SCFD1: variants seen among roughly 807,000 people sequenced by gnomAD.
SCFD1 encodes the protein sec1 family domain containing 1, also known as sec1 family domain-containing protein 1.
Under a neutral mutation model 103.2 loss-of-function variants are expected in SCFD1, and 37 were observed. The ratio of observed to expected loss-of-function variants is 0.36; its 90% CI spans 0.28 to 0.47. The LOEUF is 0.47. SCFD1 is among the 20% of genes least tolerant of loss of function. The pLI, the probability that SCFD1 is intolerant of heterozygous loss-of-function variation, is 1.00. For synonymous variants in SCFD1, 264 were observed against 245.0 expected (o/e 1.08, Z -0.73); for missense variants, 639 against 761.2 (o/e 0.84, Z 1.89).
intron 17 of SCFD1, among the ~76,000 whole-genome samples, chr14:30,705,317 A>ATTCC (rs1891395205): frequency 6.6e-6 from 1 of 152,234 alleles, no homozygotes; most frequent in African/African-American, 2.4e-5. Context: ...TGTACCTGGA[A>ATTCC]ACAAGGGAGC....
intron 23 of SCFD1, among the ~76,000 whole-genome samples, chr14:30,726,779 A>G (rs751981581): frequency 2.0e-5 from 3 of 152,104 alleles, no homozygotes; most frequent in Non-Finnish European, 4.4e-5. Flanking sequence ...CTCCTGAAAT[A>G]ACATTTCTTG....
At chr14:30,626,075 A>G (rs965561062) in intron 1 of SCFD1, among the ~76,000 whole-genome samples, 14 of 152,164 alleles carry the variant, frequency 9.2e-5, no homozygotes, top group East Asian at 3.9e-4. Context: ...GCAAATGCAC[A>G]GTGGGAGAGT....
rs1413870033 is a variant in SCFD1 at position 30,710,298 on chromosome 14, A to G, written c.1629+2233A>G. ...TGATCAGTGGTCACCCCATCTGTAT[A>G]TTTTTGCCACCACTACCAGAAGAGC... On this transcript the variant is annotated intron_variant, in intron 19 of 24. Transcript: ENST00000458591. Among the ~76,000 whole-genome samples, 3 of 135,496 alleles carry G rather than the reference A, an allele frequency of 2.2e-5. No homozygotes were observed. In the East Asian group the frequency reaches 6.5e-4, roughly 29 times the overall value. The allele number at this position is 135,496 out of a possible 152,430, so 88.9% of individuals were successfully genotyped here.
At chr14:30,653,719 G>A (rs1455271687) in intron 10 of SCFD1, 131 bp downstream of exon 10, 1 of 586,932 alleles carries the variant, frequency 1.7e-6, no homozygotes, top group Non-Finnish European at 2.9e-6. Flanking sequence ...AACAAAACAA[G>A]TGATGGGATT....
intron 9 of SCFD1, among the ~76,000 whole-genome samples, chr14:30,652,892 T>G (rs1886537295): frequency 6.6e-6 from 1 of 151,858 alleles, no homozygotes; most frequent in African/African-American, 2.4e-5. Flanking sequence ...ACCTGGAGTC[T>G]CAGCTAATTG....
At position 30,719,282 on chromosome 14, in the gene SCFD1, G is replaced by T. The variant is rs771874052; in HGVS notation, c.1684-43G>T. ...CTCTAAGCCAAACTGACCTTCTGAA[G>T]AGAAATTCCACAGTCATGGTAAAGT... On this transcript the variant is annotated intron_variant, in intron 20 of 24. Transcript: ENST00000458591. 2.3e-6 allele frequency: 3 copies of T among 1,289,944 alleles called. No individual in the cohort carries two copies. In the South Asian group the frequency reaches 3.8e-5, roughly 16 times the overall value. 79.9% of individuals were successfully genotyped at this position (1,289,944 alleles called of 1,614,324 possible). A position where few individuals can be genotyped will look rare whatever the true frequency, so the allele number is the denominator to read the frequency against.
intron 17 of SCFD1, among the ~76,000 whole-genome samples, chr14:30,704,468 GTTAT>G (rs1891331687): frequency 6.6e-6 from 1 of 152,112 alleles, no homozygotes; most frequent in South Asian, 2.1e-4. Context: ...TAAATATACT[GTTAT>G]TTATTTAACC....
intron 10 of SCFD1, among the ~76,000 whole-genome samples, chr14:30,669,172 G>C (rs12894695): frequency 6.6e-6 from 1 of 152,028 alleles, no homozygotes; most frequent in Non-Finnish European, 1.5e-5. Flanking sequence ...TAAGGACCTA[G>C]AGTCAGTATT....
At chr14:30,662,308 C>T (rs1887525287) in intron 10 of SCFD1, among the ~76,000 whole-genome samples, 1 of 152,156 alleles carries the variant, frequency 6.6e-6, no homozygotes. Context: ...GTGTGCTCAT[C>T]TTCAAATGAC....
intron 24 of SCFD1, 56 bp from the exon 25 acceptor site, chr14:30,735,530 G>GTTTC (rs1315671044): frequency 9.9e-6 from 12 of 1,217,374 alleles, no homozygotes; most frequent in Non-Finnish European, 8.4e-6. Context: ...ATGTTTGAAT[G>GTTTC]TTTCTTTTAT....
chr14:30,626,976 T>A (rs1883528539), intron 1 of SCFD1, among the ~76,000 whole-genome samples: 1 of 152,238 alleles, frequency 6.6e-6, no homozygotes, highest in Non-Finnish European at 1.5e-5. Context: ...ATTACATAGT[T>A]CTCTCGTAGG....
intron 1 of SCFD1, among the ~76,000 whole-genome samples, chr14:30,626,714 T>G (rs1453658602): frequency 6.6e-6 from 1 of 152,178 alleles, no homozygotes; most frequent in Non-Finnish European, 1.5e-5. Context: ...TAAAACCCTG[T>G]GTCTCATTTC....
At chr14:30,673,874 CT>C in intron 12 of SCFD1, 49 bp from the exon 13 acceptor site, 1 of 1,261,904 alleles carries the variant, frequency 7.9e-7, no homozygotes, top group Non-Finnish European at 1.2e-6. Flanking sequence ...GATTTTTATG[CT>C]TGTGCCTGGG....
chr14:30,684,388 G>C (rs1259537949), intron 14 of SCFD1, among the ~76,000 whole-genome samples: 1 of 152,158 alleles, frequency 6.6e-6, no homozygotes. Flanking sequence ...TGCTCCCTTT[G>C]TTCTTTCCAA....
chr14:30,708,984 ACT>A (rs1891675587), intron 19 of SCFD1, among the ~76,000 whole-genome samples: 1 of 151,856 alleles, frequency 6.6e-6, no homozygotes, highest in African/African-American at 2.4e-5. Context: ...GCATTATCAA[ACT>A]CTCCTGAATC....
intron 15 of SCFD1, among the ~76,000 whole-genome samples, chr14:30,695,905 A>T (rs1201946781): frequency 2.6e-5 from 4 of 152,114 alleles, no homozygotes; most frequent in African/African-American, 9.7e-5. Context: ...CACAGGCAAA[A>T]ATAGTAAAAA....
At chr14:30,644,182 CT>C (rs2139067515) in intron 7 of SCFD1, among the ~76,000 whole-genome samples, 1 of 152,276 alleles carries the variant, frequency 6.6e-6, no homozygotes, top group South Asian at 2.1e-4. Context: ...TGATTTCACT[CT>C]TTTTTTATGG....
chr14:30,724,235 T>G (rs549564162), intron 23 of SCFD1, among the ~76,000 whole-genome samples: 54 of 148,838 alleles, frequency 3.6e-4, no homozygotes, highest in African/African-American at 1.3e-3. Context: ...CTTTGCCCAC[T>G]TTTTTATGGG....
chr14:30,729,511 G>C (rs1893291459), intron 23 of SCFD1, among the ~76,000 whole-genome samples: 2 of 152,110 alleles, frequency 1.3e-5, no homozygotes, highest in Non-Finnish European at 2.9e-5. Flanking sequence ...ATGTGTATGG[G>C]TTTATTTCTG....
Sources: gnomAD v4.1 joint callset for allele counts (sites outside exome capture counted in the v4.1 genomes callset) on GRCh38, gnomAD v4.1.1 for gene constraint, MANE v1.5 for transcripts, NCBI Gene and HGNC (gene_info 2026-07-23, HGNC 2026-07-21) for gene names.